Variants in PPP4R3B observed in about 807,000 individuals in gnomAD.
The protein encoded by PPP4R3B is protein phosphatase 4 regulatory subunit 3B.
Under a neutral mutation model 95.4 loss-of-function variants are expected in PPP4R3B, and 52 were observed. The ratio of observed to expected loss-of-function variants is 0.54; its 90% CI spans 0.44 to 0.69. The LOEUF (loss-of-function observed/expected upper bound fraction) is 0.69, where lower values mean the gene tolerates loss of function less well. PPP4R3B is among the 30% of genes least tolerant of loss of function. The probability of loss-of-function intolerance (pLI) is 0.00; values close to 1 mark genes in which losing one functional copy is unlikely to be tolerated. For synonymous variants in PPP4R3B, 407 were observed against 343.9 expected (o/e 1.18, Z -2.03); for missense variants, 1,003 against 1,005.9 (o/e 1.00, Z 0.04).
chr2:55,578,332 T>TA lies in PPP4R3B; in HGVS notation c.1478dup (p.Leu493PhefsTer7), dbSNP rs749912209. ...AACTCCAACTATATCTGTAATGTTT[T>TA]AAAAAAAAATCTGAAAAAAAATATG... On this transcript the variant is annotated frameshift_variant, in exon 10 of 17. Coordinates refer to ENST00000616407, the MANE Select transcript of PPP4R3B (RefSeq NM_001122964.3). LOFTEE classifies it high-confidence loss of function. 479 of 1,380,700 alleles carry TA rather than the reference T, an allele frequency of 3.5e-4. No individual in the cohort carries two copies. Among genetic ancestry groups the TA allele is most frequent in the South Asian group, 1.8e-3 (91 of 51,950 alleles). 85.5% of individuals were successfully genotyped at this position (1,380,700 alleles called of 1,614,324 possible).
At chr2:55,558,741 A>G (rs1355083057) in intron 16 of PPP4R3B, 34 bp downstream of exon 16, 5 of 1,417,726 alleles carry the variant, frequency 3.5e-6, no homozygotes, top group Non-Finnish European at 3.7e-6. Flanking sequence ...CAGACGGGAA[A>G]AGCAAAGTTT....
chr2:55,598,443 G>A lies in PPP4R3B; in HGVS notation c.894C>T (p.Asn298=). 6.2e-7 allele frequency: 1 copy of A among 1,613,844 alleles called. No homozygotes were observed. Among genetic ancestry groups the A allele is most frequent in the East Asian group, 2.2e-5 (1 of 44,862 alleles). ...LSTLTSFIFF[N]KVEIVSMLQE... ...GCAACATGCTGACTATCTCAACTTT[G>A]TTGAAGAAAATAAAAGACGTAAGAG... Residue 298 remains asparagine, a synonymous_variant, in exon 4 of 17, where the codon AAC becomes AAT. Transcript: ENST00000616407.
chr2:55,567,962 AT>A (rs1450790976), intron 13 of PPP4R3B: 2 of 240,004 alleles, frequency 8.3e-6, no homozygotes, highest in Non-Finnish European at 1.6e-5. Flanking sequence ...GCGTTAAAAA[AT>A]ATCAGTGTCA....
chr2:55,615,230 C>T, intron 2 of PPP4R3B: 2 of 491,416 alleles, frequency 4.1e-6, no homozygotes, highest in South Asian at 2.3e-5. Context: ...ATAAATACAT[C>T]TTAGAATAAA....
intron 3 of PPP4R3B, among the ~76,000 whole-genome samples, chr2:55,602,089 G>A (rs903603115): frequency 3.9e-5 from 6 of 152,072 alleles, no homozygotes; most frequent in Admixed American, 6.6e-5. Context: ...TTTATGATAA[G>A]GTACAATCTG....
chr2:55,610,656 T>A (rs1453899995), intron 2 of PPP4R3B, among the ~76,000 whole-genome samples: 2 of 152,238 alleles, frequency 1.3e-5, no homozygotes, highest in African/African-American at 4.8e-5. Context: ...TCAAGAATCT[T>A]ACCCTTTCTG....
intron 4 of PPP4R3B, among the ~76,000 whole-genome samples, chr2:55,597,583 C>T (rs1691974738): frequency 6.6e-6 from 1 of 152,004 alleles, no homozygotes; most frequent in African/African-American, 2.4e-5. Context: ...GATTGCGCCA[C>T]TGCACTTCAG....
At chr2:55,562,391 C>T (rs759519608) in intron 15 of PPP4R3B, among the ~76,000 whole-genome samples, 1 of 152,150 alleles carries the variant, frequency 6.6e-6, no homozygotes, top group Non-Finnish European at 1.5e-5. Context: ...CACTGCACTC[C>T]AGCCTGGGCA....
At chr2:55,550,690 T>C (rs577687057) in intron 16 of PPP4R3B, among the ~76,000 whole-genome samples, 25 of 152,218 alleles carry the variant, frequency 1.6e-4, no homozygotes, top group Non-Finnish European at 3.1e-4. Context: ...TGAAAACTTA[T>C]GTCCTATAGG....
chr2:55,581,017 C>T (rs1689372056), intron 8 of PPP4R3B, among the ~76,000 whole-genome samples: 1 of 152,126 alleles, frequency 6.6e-6, no homozygotes, highest in South Asian at 2.1e-4. Context: ...CTTTGGGAGG[C>T]TGAGGCGGGT....
chr2:55,571,433 C>A lies in PPP4R3B; in HGVS notation c.1765+2186G>T, dbSNP rs531276847. 2.0e-5 allele frequency among the ~76,000 whole-genome samples: 3 copies of A among 151,906 alleles called. No homozygotes were observed. The East Asian group carries it at 5.8e-4, about 29-fold the overall frequency. ...TCTGTCTTAAGAACATCAAACATTC[C>A]AAAATTAATATAAAAATATAATGTA... On this transcript the variant is annotated intron_variant, in intron 12 of 16. Coordinates refer to ENST00000616407, the MANE Select transcript of PPP4R3B (RefSeq NM_001122964.3).
In PPP4R3B at chr2:55,598,497, T is replaced by C; in HGVS notation, c.840A>G (p.Pro280=). Residue 280 remains proline (P), a synonymous_variant, in exon 4 of 17, where the codon CCA becomes CCG. Coordinates refer to ENST00000616407, the MANE Select transcript of PPP4R3B (RefSeq NM_001122964.3). Reference sequence around the variant, plus strand: ...AAAGAAAATTCTCTTCAAAAACAGATGGTGTGGGCAAAATGATGTCCTGAA... The same window carrying C: ...AAAGAAAATTCTCTTCAAAAACAGACGGTGTGGGCAAAATGATGTCCTGAA... ...QYIQDIILPT[P]SVFEENFLST... is the part of the protein sequence containing the mutation. 2.5e-6 allele frequency: 4 copies of C among 1,614,088 alleles called. No individual in the cohort carries two copies. The highest frequency in any genetic ancestry group is 3.4e-6 in the Non-Finnish European group (4 of 1,180,006).
At chr2:55,576,510 A>G (rs1199505219) in intron 11 of PPP4R3B, among the ~76,000 whole-genome samples, 3 of 152,098 alleles carry the variant, frequency 2.0e-5, no homozygotes, top group African/African-American at 7.2e-5. Flanking sequence ...TGGGAGGCCG[A>G]GGCGGGTGGA....
chr2:55,617,030 G>A (rs764826602), intron 1 of PPP4R3B, 114 bp downstream of exon 1: 449 of 1,294,236 alleles, frequency 3.5e-4, no homozygotes, highest in Non-Finnish European at 4.6e-4. Flanking sequence ...AGCCAGTTCA[G>A]AACCAACGCG....
intron 15 of PPP4R3B, among the ~76,000 whole-genome samples, chr2:55,560,561 G>A (rs1231101774): frequency 3.3e-5 from 5 of 151,978 alleles, no homozygotes; most frequent in Non-Finnish European, 5.9e-5. Context: ...AGCGGATCAC[G>A]AAGTCAGGAG....
chr2:55,584,130 G>C (rs1460238333), intron 7 of PPP4R3B, among the ~76,000 whole-genome samples: 1 of 152,004 alleles, frequency 6.6e-6, no homozygotes, highest in East Asian at 1.9e-4. Flanking sequence ...TGGGCAACAA[G>C]AGTGAACCTC....
At chr2:55,574,874 G>A (rs1688447599) in intron 11 of PPP4R3B, among the ~76,000 whole-genome samples, 1 of 150,810 alleles carries the variant, frequency 6.6e-6, no homozygotes, top group Non-Finnish European at 1.5e-5. Flanking sequence ...CATTACAGGC[G>A]TAAGCCACTG....
Position 55,547,910 on chromosome 2 carries a change from T to TCAAA in PPP4R3B, c.*1997_*2000dup, listed in dbSNP as rs1048844128. On this transcript the variant is annotated 3_prime_UTR_variant, in exon 17 of 17. Transcript: ENST00000616407. ...TCCAGCCTGGGCAACAGAGCGAGAC[T>TCAAA]CAAACAAACAAACAAAAAGTAACTA... The TCAAA allele has an allele frequency of 1.3e-5, 2 of 152,246 alleles. No homozygotes were observed. The highest frequency in any genetic ancestry group is 2.1e-4 in the South Asian group (1 of 4,822). The allele number at this position is 152,246 out of a possible 1,614,324, so 9.4% of individuals were successfully genotyped here.
chr2:55,599,682 T>G (rs986028283), intron 3 of PPP4R3B, among the ~76,000 whole-genome samples: 1 of 152,162 alleles, frequency 6.6e-6, no homozygotes, highest in South Asian at 2.1e-4. Flanking sequence ...TCACAATAAA[T>G]CCACACTATC....
Sources: gnomAD v4.1 joint callset for allele counts (sites outside exome capture counted in the v4.1 genomes callset) on GRCh38, gnomAD v4.1.1 for gene constraint, MANE v1.5 for transcripts, NCBI Gene and HGNC (gene_info 2026-07-23, HGNC 2026-07-21) for gene names.